NT5E: variants seen among roughly 807,000 people sequenced by gnomAD.
NT5E encodes the protein 5'-nucleotidase.
Under a neutral mutation model 55.1 loss-of-function variants are expected in NT5E, and 53 were observed. The ratio of observed to expected loss-of-function variants is 0.96; its 90% CI spans 0.77 to 1.21. The LOEUF (loss-of-function observed/expected upper bound fraction) is 1.21. NT5E is among the 50% of genes most tolerant of loss of function. The probability of loss-of-function intolerance (pLI) is 0.00; values close to 1 mark genes in which losing one functional copy is unlikely to be tolerated. For missense variants in NT5E, 683 were observed against 724.3 expected, an observed-to-expected ratio of 0.94 and a Z score of 0.65; for synonymous variants, 270 against 278.4, an observed-to-expected ratio of 0.97 and a Z score of 0.30.
intron 2 of NT5E, among the ~76,000 whole-genome samples, chr6:85,469,232 G>A (rs1413949747): frequency 6.6e-6 from 1 of 152,136 alleles, no homozygotes; most frequent in East Asian, 1.9e-4. Flanking sequence ...GGTCCTGTGA[G>A]GTTTCTGATA....
Position 85,450,457 on chromosome 6 carries a change from C to T in NT5E, c.318C>T (p.Asn106=), listed in dbSNP as rs1476414153. 1.3e-6 allele frequency: 2 copies of T among 1,597,926 alleles called. No homozygotes were observed. The highest frequency in any genetic ancestry group is 1.8e-5 in the Admixed American group (1 of 57,084). The part of the protein sequence containing the change: ...YKGAEVAHFM[N]ALRYDAMALG... ...GCGCCGAGGTGGCGCACTTCATGAA[C>T]GCCCTGCGCTACGATGCCATGGTAA... Residue 106 remains asparagine, a synonymous_variant, in exon 1 of 9, where the codon AAC becomes AAT. Transcript: ENST00000257770. This position sits in a 1 kb window ranked among gnomAD's most constrained non-coding sequence, Gnocchi z 4.0.
chr6:85,461,797 G>A (rs1162006450), intron 1 of NT5E, among the ~76,000 whole-genome samples: 1 of 152,084 alleles, frequency 6.6e-6, no homozygotes, highest in African/African-American at 2.4e-5. Context: ...TAGAGGCCTG[G>A]CACCCCTCTC....
Position 85,471,425 on chromosome 6 carries a change from G to T in NT5E, c.751G>T (p.Gly251Cys). 6.2e-7 allele frequency: 1 copy of T among 1,611,636 alleles called. No homozygotes were observed. The highest frequency in any genetic ancestry group is 8.5e-7 in the Non-Finnish European group (1 of 1,178,398). The change falls in exon 3 of 9, where the codon GGC (glycine) becomes TGC (cysteine). Residue 251 changes from glycine (G) to cysteine (C), a missense_variant and splice_region_variant. By Grantham distance (159) the Gly-to-Cys change is radical (BLOSUM62 -3). Coordinates refer to ENST00000257770, the MANE Select transcript of NT5E (RefSeq NM_002526.4). ...ACACTCCAACACATTTCTTTACACA[G>T]GTAATTGTTTCAAAAGGATTGCATG... ...GGHSNTFLYTGNPPSKEVPAG... is the reference protein window; with the variant it reads ...GGHSNTFLYTCNPPSKEVPAG...
rs1228382701 is a variant in NT5E, at chr6:85,493,955, C to A, written c.1676C>A (p.Ser559Tyr). ...GGAAGTCACTGCCATGGAAGCTTTT[C>A]TTTAATATTTCTTTCACTTTGGGCA... ...STGSHCHGSF[S>Y]LIFLSLWAVI... Residue 559 changes from serine (S) to tyrosine (Y), a missense_variant, in exon 9 of 9, where the codon TCT becomes TAT. Coordinates refer to ENST00000257770, the MANE Select transcript of NT5E (RefSeq NM_002526.4). The A allele has an allele frequency of 6.2e-7, 1 of 1,613,918 alleles. No homozygotes were observed. Among genetic ancestry groups the A allele is most frequent in the Non-Finnish European group, 8.5e-7 (1 of 1,179,964 alleles).
rs749593943 is a variant in NT5E at position 85,450,188 on chromosome 6, G to GAGTA, written c.49_50insAGTA (p.Gly17GlufsTer2). ...GCCCGCGACGCTACTCCTCGCCCTG[G>GAGTA]GCGCGGTGCTGTGGCCTGCGGCTGG... is the stretch of plus-strand genomic sequence containing the variant. On this transcript the variant is annotated stop_gained and frameshift_variant, in exon 1 of 9. Coordinates refer to ENST00000257770, the MANE Select transcript of NT5E (RefSeq NM_002526.4). LOFTEE classifies it high-confidence loss of function. The surrounding 1 kb of genome is among the most constrained non-coding windows in gnomAD (Gnocchi z 4.0). The GAGTA allele has an allele frequency of 1.2e-6, 2 of 1,608,040 alleles. No homozygotes were observed. The highest frequency in any genetic ancestry group is 3.4e-5 in the Admixed American group (2 of 59,672).
At position 85,471,281 on chromosome 6, in the gene NT5E, G is replaced by C; in HGVS notation, c.607G>C (p.Glu203Gln). The change falls in exon 3 of 9, where the codon GAA (glutamate) becomes CAA (glutamine). Residue 203 changes from glutamate (E) to glutamine (Q), a missense_variant. Coordinates refer to ENST00000257770, the MANE Select transcript of NT5E (RefSeq NM_002526.4). ...AGATGAAATCACTGCATTACAACCT[G>C]AAGTAGATAAGTTAAAAACTCTAAA... ...FEDEITALQP[E>Q]VDKLKTLNVN... is the part of the protein sequence containing the mutation. The C allele has an allele frequency of 6.2e-7, 1 of 1,611,930 alleles. No individual in the cohort carries two copies. Among genetic ancestry groups the C allele is most frequent in the Non-Finnish European group, 8.5e-7 (1 of 1,178,572 alleles).
chr6:85,494,192 A>G lies in NT5E; in HGVS notation c.*188A>G, dbSNP rs1008004862. On this transcript the variant is annotated 3_prime_UTR_variant, in exon 9 of 9. Coordinates refer to ENST00000257770, the MANE Select transcript of NT5E (RefSeq NM_002526.4). ...CAGGGTCAGCAACCTAGTGAGTTAGAAAAAAAATTAACATAGGGCCCTATA... is the reference window on the plus strand; with the variant it reads ...CAGGGTCAGCAACCTAGTGAGTTAGGAAAAAAATTAACATAGGGCCCTATA... 23 of 614,472 alleles carry G rather than the reference A, an allele frequency of 3.7e-5. No homozygotes were observed. The highest frequency in any genetic ancestry group is 6.2e-5 in the Non-Finnish European group (22 of 353,366). 38.1% of individuals were successfully genotyped at this position (614,472 alleles called of 1,614,324 possible).
chr6:85,489,625 G>A (rs149377384), intron 6 of NT5E, 26 bp downstream of exon 6: 1 of 1,498,204 alleles, frequency 6.7e-7, no homozygotes, highest in East Asian at 2.3e-5. Context: ...CAGCTCCTCA[G>A]TGTGTCATGT....
At chr6:85,466,832 C>T (rs1478481389) in intron 1 of NT5E, among the ~76,000 whole-genome samples, 5 of 152,168 alleles carry the variant, frequency 3.3e-5, no homozygotes, top group Non-Finnish European at 7.4e-5. Flanking sequence ...GCCAGCTCTC[C>T]AGGTGTTGCG....
chr6:85,475,314 G>A (rs1326765434), intron 3 of NT5E, among the ~76,000 whole-genome samples: 3 of 152,238 alleles, frequency 2.0e-5, no homozygotes, highest in African/African-American at 7.2e-5. Flanking sequence ...ATTGTAGCTT[G>A]CTCATATTTT....
intron 1 of NT5E, among the ~76,000 whole-genome samples, chr6:85,460,659 A>G (rs1438980735): frequency 6.6e-6 from 1 of 151,940 alleles, no homozygotes; most frequent in African/African-American, 2.4e-5. Flanking sequence ...TTTTTTCCCA[A>G]AGCTCTTCCA....
chr6:85,450,612 G>T lies in NT5E; in HGVS notation c.339+134G>T. 1.2e-6 allele frequency: 1 copy of T among 818,848 alleles called. No homozygotes were observed. The highest frequency in any genetic ancestry group is 2.0e-6 in the Non-Finnish European group (1 of 495,864). 50.7% of individuals were successfully genotyped at this position (818,848 alleles called of 1,614,324 possible). On this transcript the variant is annotated intron_variant, in intron 1 of 8. Transcript: ENST00000257770. This position sits in a 1 kb window ranked among gnomAD's most constrained non-coding sequence, Gnocchi z 4.0. ...AGATGTGGGGATAAAGTGAGACTCC[G>T]GCCAGTGTGCCAGCTGGATGCATAG...
chr6:85,483,085 C>A (rs1309582291), intron 3 of NT5E, among the ~76,000 whole-genome samples: 1 of 152,234 alleles, frequency 6.6e-6, no homozygotes, highest in Non-Finnish European at 1.5e-5. Context: ...CATACTGAGG[C>A]ATCTGACCGG....
chr6:85,461,590 C>T (rs935044281), intron 1 of NT5E, among the ~76,000 whole-genome samples: 2 of 152,184 alleles, frequency 1.3e-5, no homozygotes, highest in South Asian at 2.1e-4. Context: ...CCAGCTCTGA[C>T]GAGCCACTGG....
At chr6:85,491,270 T>C in intron 7 of NT5E, 1 of 358,290 alleles carries the variant, frequency 2.8e-6, no homozygotes, top group Non-Finnish European at 5.5e-6. Flanking sequence ...CTTTTGTTAA[T>C]AATTCCACAG....
At chr6:85,477,279 A>G (rs1330903280) in intron 3 of NT5E, among the ~76,000 whole-genome samples, 17 of 152,172 alleles carry the variant, frequency 1.1e-4, no homozygotes, top group African/African-American at 2.4e-5. Context: ...GTATTGTTAA[A>G]TGAACGTTAA....
At chr6:85,475,237 C>T (rs1385713473) in intron 3 of NT5E, among the ~76,000 whole-genome samples, 2 of 152,180 alleles carry the variant, frequency 1.3e-5, no homozygotes, top group African/African-American at 4.8e-5. Flanking sequence ...ATTGCACCCT[C>T]ATATTTTCTG....
Position 85,487,417 on chromosome 6 carries a change from CT to C in NT5E, c.1033del (p.Tyr345IlefsTer19). ...STQELGKTIVYLDGSSQSCRF... is the reference protein window; with the variant it reads ...STQELGKTIVXLDGSSQSCRF... ...CCCAGGAATTAGGGAAAACAATTGT[CT>C]ATCTGGATGGCTCCTCTCAATCATG... On this transcript the variant is annotated frameshift_variant, in exon 5 of 9. Coordinates refer to ENST00000257770, the MANE Select transcript of NT5E (RefSeq NM_002526.4). LOFTEE classifies it high-confidence loss of function. 1 of 1,614,070 alleles carries C rather than the reference CT, an allele frequency of 6.2e-7. No homozygotes were observed. The highest frequency in any genetic ancestry group is 2.2e-5 in the East Asian group (1 of 44,878).
intron 8 of NT5E, among the ~76,000 whole-genome samples, chr6:85,493,629 A>G (rs1002942268): frequency 6.6e-6 from 1 of 152,134 alleles, no homozygotes; most frequent in Non-Finnish European, 1.5e-5. Context: ...ACTTCCCCCA[A>G]TTACCCAATA....
Sources: allele counts gnomAD v4.1 joint callset (sites outside exome capture counted in the v4.1 genomes callset), GRCh38; gene constraint gnomAD v4.1.1; non-coding constraint Gnocchi (gnomAD v3.1); transcripts MANE v1.5; gene names NCBI Gene and HGNC (gene_info 2026-07-23, HGNC 2026-07-21).